The following HEATR5A variants were observed in gnomAD, a reference collection of about 807,000 sequenced individuals.
The protein encoded by HEATR5A is HEAT repeat-containing protein 5A.
Under a neutral mutation model 218.8 loss-of-function variants are expected in HEATR5A, and 178 were observed. The ratio of observed to expected loss-of-function variants is 0.81; its 90% CI spans 0.72 to 0.92. HEATR5A has a LOEUF of 0.92. Among genes scored for constraint, HEATR5A ranks in the 40% least tolerant of loss-of-function variants. HEATR5A has a pLI of 0.00. For synonymous variants in HEATR5A, 864 were observed against 871.6 expected (o/e 0.99, Z 0.15); for missense variants, 2,420 against 2,418.9 (o/e 1.00, Z -0.01).
At chr14:31,384,768 C>T (rs1173625722) in intron 9 of HEATR5A, among the ~76,000 whole-genome samples, 1 of 151,998 alleles carries the variant, frequency 6.6e-6, no homozygotes, top group East Asian at 1.9e-4. Flanking sequence ...CTCAGGTGAT[C>T]CACTCACCTC....
intron 31 of HEATR5A, among the ~76,000 whole-genome samples, chr14:31,305,493 C>T (rs1056466281): frequency 6.6e-6 from 1 of 152,108 alleles, no homozygotes; most frequent in African/African-American, 2.4e-5. Flanking sequence ...GAACTCCTGA[C>T]CTCAAGCTAT....
chr14:31,320,104 A>C (rs1400614261), intron 25 of HEATR5A: 1 of 217,730 alleles, frequency 4.6e-6, no homozygotes, highest in Non-Finnish European at 9.3e-6. Context: ...ATTAACCTTT[A>C]TTTATTTATT....
intron 29 of HEATR5A, among the ~76,000 whole-genome samples, chr14:31,308,232 G>A (rs963127752): frequency 6.6e-6 from 1 of 152,104 alleles, no homozygotes; most frequent in Non-Finnish European, 1.5e-5. Context: ...TCTATGCCGG[G>A]CATGGTGGCT....
Position 31,402,879 on chromosome 14 carries a change from A to G in HEATR5A, c.97T>C (p.Leu33=). ...AEFIFEWLRY[L]EKLLLATSRN... Reference sequence around the variant, plus strand: ...CTGGTTGCCAACAAGAGCTTCTCCAAGTATCTCAACCACTCAAAAATAAAC... The same window carrying G: ...CTGGTTGCCAACAAGAGCTTCTCCAGGTATCTCAACCACTCAAAAATAAAC... The change falls in exon 2 of 36, where the codon TTG becomes CTG. Residue 33 remains leucine (L), a synonymous_variant. Coordinates refer to ENST00000543095, the MANE Select transcript of HEATR5A (RefSeq NM_015473.4). 2 of 1,536,606 alleles carry G rather than the reference A, an allele frequency of 1.3e-6. No individual in the cohort carries two copies. The highest frequency in any genetic ancestry group is 1.7e-6 in the Non-Finnish European group (2 of 1,146,956).
At chr14:31,294,700 C>T (rs1485128198) in intron 34 of HEATR5A, among the ~76,000 whole-genome samples, 1 of 151,900 alleles carries the variant, frequency 6.6e-6, no homozygotes, top group South Asian at 2.1e-4. Context: ...CATGAGCCAC[C>T]GTGCCCAACC....
At chr14:31,394,295 T>C in intron 5 of HEATR5A, 69 bp from the exon 6 acceptor site, 1 of 906,586 alleles carries the variant, frequency 1.1e-6, no homozygotes, top group Non-Finnish European at 1.5e-6. Flanking sequence ...GCTATGTAAG[T>C]TGCAGAAACT....
intron 22 of HEATR5A, among the ~76,000 whole-genome samples, chr14:31,328,912 C>A (rs1900365791): frequency 6.7e-6 from 1 of 148,416 alleles, no homozygotes; most frequent in African/African-American, 2.5e-5. Flanking sequence ...AAAGAGGTTT[C>A]ATTGACTCAC....
At chr14:31,329,397 A>T (rs1033098310) in intron 22 of HEATR5A, among the ~76,000 whole-genome samples, 1 of 152,364 alleles carries the variant, frequency 6.6e-6, no homozygotes, top group South Asian at 2.1e-4. Flanking sequence ...CAATGGGGGT[A>T]CAGGCATTGG....
intron 1 of HEATR5A, among the ~76,000 whole-genome samples, chr14:31,404,550 T>A (rs981250312): frequency 6.6e-6 from 1 of 152,184 alleles, no homozygotes; most frequent in South Asian, 2.1e-4. Context: ...GGTTCCCTGT[T>A]GGTCAAGACT....
At chr14:31,311,094 T>C (rs190340881) in intron 28 of HEATR5A, among the ~76,000 whole-genome samples, 146 of 151,942 alleles carry the variant, frequency 9.6e-4, no homozygotes, top group Middle Eastern at 3.4e-3. Context: ...CACACAAAAC[T>C]AGTAGAACTT....
At chr14:31,314,991 G>A (rs1331735524) in intron 27 of HEATR5A, among the ~76,000 whole-genome samples, 2 of 152,234 alleles carry the variant, frequency 1.3e-5, no homozygotes, top group East Asian at 1.9e-4. Context: ...TGGCCAACAC[G>A]ATGAAACCCC....
At chr14:31,317,815 T>C (rs1305292265) in intron 26 of HEATR5A, among the ~76,000 whole-genome samples, 1 of 152,232 alleles carries the variant, frequency 6.6e-6, no homozygotes, top group Non-Finnish European at 1.5e-5. Flanking sequence ...CAGGTACTTG[T>C]ATAACATTGC....
chr14:31,335,280 G>A (rs1900615154), intron 22 of HEATR5A, among the ~76,000 whole-genome samples: 1 of 151,858 alleles, frequency 6.6e-6, no homozygotes, highest in Non-Finnish European at 1.5e-5. Flanking sequence ...CACAATACTA[G>A]GTATTGTGTA....
chr14:31,381,945 G>A (rs2030002496), intron 10 of HEATR5A, among the ~76,000 whole-genome samples: 1 of 152,070 alleles, frequency 6.6e-6, no homozygotes, highest in African/African-American at 2.4e-5. Flanking sequence ...ATTATGAGTT[G>A]GCATATAAAT....
chr14:31,418,759 A>T (rs995174025), intron 1 of HEATR5A, among the ~76,000 whole-genome samples: 14 of 152,196 alleles, frequency 9.2e-5, no homozygotes, highest in African/African-American at 1.4e-4. Flanking sequence ...AGAGCTTTTT[A>T]AAAAAATGCA....
intron 14 of HEATR5A, among the ~76,000 whole-genome samples, chr14:31,361,238 T>C (rs542204652): frequency 7.9e-5 from 12 of 152,330 alleles, no homozygotes; most frequent in African/African-American, 2.9e-4. Context: ...TTATATTTAA[T>C]CTTCCTTTCA....
At chr14:31,357,096 CTTCA>C (rs1304970420) in intron 16 of HEATR5A, among the ~76,000 whole-genome samples, 8 of 152,206 alleles carry the variant, frequency 5.3e-5, no homozygotes, top group Non-Finnish European at 1.0e-4. Context: ...TAATTTTCCT[CTTCA>C]TTCATTAACA....
rs143921023 is a variant in HEATR5A, at chr14:31,415,123, C to T, written c.-75+5349G>A. 9.8e-3 allele frequency among the ~76,000 whole-genome samples: 1,497 copies of T among 152,290 alleles called. 19 individuals carry two copies. Among genetic ancestry groups the T allele is most frequent in the African/African-American group, 0.034 (1,421 of 41,556 alleles). ...AAAGTGCTGGGATTATAGGCGTGAG[C>T]CACCACGCCCGGCTGGTTCCTACTT... On this transcript the variant is annotated intron_variant, in intron 1 of 35. Transcript: ENST00000543095.
chr14:31,364,401 A>G, intron 13 of HEATR5A, 103 bp from the exon 14 acceptor site: 2 of 589,682 alleles, frequency 3.4e-6, no homozygotes, highest in Non-Finnish European at 6.0e-6. Context: ...TATGTATTTT[A>G]TTAACAAACA....
Sources: allele counts gnomAD v4.1 joint callset (sites outside exome capture counted in the v4.1 genomes callset), GRCh38; gene constraint gnomAD v4.1.1; transcripts MANE v1.5; gene names NCBI Gene and HGNC (gene_info 2026-07-23, HGNC 2026-07-21).